NCKAP1: variants seen among roughly 807,000 people sequenced by gnomAD.
NCKAP1 encodes the protein nck-associated protein 1.
In NCKAP1, 21 loss-of-function variants were observed where a neutral mutation model predicts 151.2. That is an observed-to-expected ratio of 0.14 (90% CI 0.10 to 0.20). NCKAP1 has a LOEUF of 0.20. Among genes scored for constraint, NCKAP1 ranks in the 10% least tolerant of loss-of-function variants. NCKAP1 has a pLI of 1.00. For synonymous variants in NCKAP1, 484 were observed against 451.8 expected, an observed-to-expected ratio of 1.07 and a Z score of -0.90; for missense variants, 933 against 1,352.1, an observed-to-expected ratio of 0.69 and a Z score of 4.86.
chr2:182,928,069 A>T, intron 29 of NCKAP1, 48 bp downstream of exon 29: 1 of 1,344,042 alleles, frequency 7.4e-7, no homozygotes, highest in Non-Finnish European at 1.0e-6. Context: ...TGTGAATTTT[A>T]GTTTTCTTTA....
At chr2:182,977,387 G>A (rs1368119546) in intron 14 of NCKAP1, among the ~76,000 whole-genome samples, 2 of 152,124 alleles carry the variant, frequency 1.3e-5, no homozygotes, top group East Asian at 1.9e-4. Context: ...CTACTCGGGA[G>A]ACTAAGGTGG....
intron 18 of NCKAP1, among the ~76,000 whole-genome samples, chr2:182,958,077 G>T (rs866083179): frequency 2.0e-5 from 3 of 152,310 alleles, no homozygotes; most frequent in Middle Eastern, 3.4e-3. Context: ...CTAGAGGTTG[G>T]ATTGTAAACT....
intron 8 of NCKAP1, among the ~76,000 whole-genome samples, chr2:182,990,860 A>G (rs1192413423): frequency 2.0e-5 from 3 of 152,226 alleles, no homozygotes; most frequent in African/African-American, 4.8e-5. Context: ...CATATTTTGT[A>G]GAATCATACA....
intron 1 of NCKAP1, among the ~76,000 whole-genome samples, chr2:183,031,285 G>A (rs2105900061): frequency 6.6e-6 from 1 of 152,232 alleles, no homozygotes; most frequent in Middle Eastern, 3.4e-3. Context: ...TTTACAAGAA[G>A]ATATATATGT....
Position 182,995,732 on chromosome 2 carries a change from C to T in NCKAP1, c.710G>A (p.Ser237Asn), listed in dbSNP as rs1484844979. The T allele has an allele frequency of 1.2e-6, 2 of 1,613,822 alleles. No individual in the cohort carries two copies. Among genetic ancestry groups the T allele is most frequent in the African/African-American group, 2.7e-5 (2 of 74,882 alleles). Residue 237 changes from serine (S) to asparagine (N), a missense_variant, in exon 7 of 31, where the codon AGT (serine) becomes AAT (asparagine). This residue lies in a region of NCKAP1 where 607 missense variants were observed against 795.0 expected (regional missense o/e 0.76). Transcript: ENST00000361354. ...GGACTGTGCTGGATTAAGCATTGTA[C>T]TAGGTGCACTGATGAGGCTCAATAA... ...AQLLSLISAP[S>N]TMLNPAQSDT... is the part of the protein sequence containing the mutation.
At chr2:182,982,438 T>G (rs528342083) in intron 12 of NCKAP1, among the ~76,000 whole-genome samples, 1 of 149,868 alleles carries the variant, frequency 6.7e-6, no homozygotes, top group Admixed American at 6.6e-5. Flanking sequence ...TAATTTACAA[T>G]GGTGCAGAAG....
intron 7 of NCKAP1, 21 bp downstream of exon 7, chr2:182,995,680 A>G (rs770075595): frequency 7.5e-6 from 12 of 1,593,030 alleles, no homozygotes; most frequent in Non-Finnish European, 1.0e-5. Flanking sequence ...TTTCATTCAA[A>G]AGAGAAAAAT....
chr2:182,943,235 A>T (rs147255835), intron 23 of NCKAP1, among the ~76,000 whole-genome samples: 1 of 152,268 alleles, frequency 6.6e-6, no homozygotes, highest in Non-Finnish European at 1.5e-5. Context: ...TGCAGCAAGC[A>T]TATAAAGTGC....
intron 26 of NCKAP1, among the ~76,000 whole-genome samples, chr2:182,933,666 C>T (rs541570987): frequency 2.0e-5 from 3 of 152,088 alleles, no homozygotes; most frequent in South Asian, 4.2e-4. Flanking sequence ...CTGCCCACCT[C>T]GGCCTCCCAA....
chr2:182,989,656 G>A (rs2105862453), intron 8 of NCKAP1, among the ~76,000 whole-genome samples: 1 of 152,230 alleles, frequency 6.6e-6, no homozygotes, highest in East Asian at 1.9e-4. Context: ...AGGTTGCAGT[G>A]AGTCGAGGTT....
At chr2:183,005,922 C>T (rs1698462261) in intron 2 of NCKAP1, among the ~76,000 whole-genome samples, 1 of 152,136 alleles carries the variant, frequency 6.6e-6, no homozygotes, top group African/African-American at 2.4e-5. Flanking sequence ...GAAAACCGCA[C>T]CTGATTGCAC....
chr2:182,926,277 C>G lies in NCKAP1; in HGVS notation c.3271-459G>C, dbSNP rs560723337. ...AAAGATTAATGTAGGCCAAAGTAAT[C>G]AAGAAAGACTATCTGGAAAAAGATT... On this transcript the variant is annotated intron_variant, in intron 30 of 30. Transcript: ENST00000361354. Among the ~76,000 whole-genome samples, 23 of 152,012 alleles carry G rather than the reference C, an allele frequency of 1.5e-4. No individual in the cohort carries two copies. In the South Asian group the frequency reaches 4.8e-3, roughly 32 times the overall value.
At chr2:183,000,636 T>C (rs993577252) in intron 6 of NCKAP1, among the ~76,000 whole-genome samples, 5 of 152,170 alleles carry the variant, frequency 3.3e-5, no homozygotes, top group Non-Finnish European at 7.3e-5. Flanking sequence ...ACTGATGCCA[T>C]CTACTAGCTT....
In NCKAP1 at chr2:182,967,259, A is replaced by T; in HGVS notation, c.1585T>A (p.Leu529Met). ...GATGTTTCCACCAACATTTCCACCA[A>T]GGAATCTACCATTTTTGTATGAAAA... is the stretch of plus-strand genomic sequence containing the variant. ...IIFHTKMVDS[L>M]VEMLVETSDL... Residue 529 changes from leucine (L) to methionine (M), a missense_variant, in exon 16 of 31, where the codon TTG (leucine) becomes ATG (methionine). This residue lies in a region of NCKAP1 where 607 missense variants were observed against 795.0 expected (regional missense o/e 0.76). Coordinates refer to ENST00000361354, the MANE Select transcript of NCKAP1 (RefSeq NM_013436.5). 6.2e-7 allele frequency: 1 copy of T among 1,612,178 alleles called. No homozygotes were observed. Among genetic ancestry groups the T allele is most frequent in the Non-Finnish European group, 8.5e-7 (1 of 1,179,294 alleles).
At chr2:182,992,794 T>G (rs544455676) in intron 8 of NCKAP1, among the ~76,000 whole-genome samples, 1 of 152,294 alleles carries the variant, frequency 6.6e-6, no homozygotes, top group East Asian at 1.9e-4. Context: ...AGACTAAGTA[T>G]TGGAACAGGG....
intron 8 of NCKAP1, among the ~76,000 whole-genome samples, chr2:182,994,381 T>C (rs978119155): frequency 1.3e-5 from 2 of 152,062 alleles, no homozygotes; most frequent in African/African-American, 4.8e-5. Context: ...CTCACACCGA[T>C]AATCCCAGCA....
intron 17 of NCKAP1, among the ~76,000 whole-genome samples, chr2:182,963,995 T>C (rs754488125): frequency 6.6e-6 from 1 of 152,154 alleles, no homozygotes; most frequent in African/African-American, 2.4e-5. Context: ...GTTTCTTTTC[T>C]ACAAGTTCTG....
At chr2:182,934,304 A>AT (rs776149662) in intron 26 of NCKAP1, 8,898 of 139,248 alleles carry the variant, frequency 0.064, 289 homozygotes, top group South Asian at 0.13. Context: ...CGCCTGGCTA[A>AT]TTTTTTTTTT....
chr2:182,969,529 CAT>C (rs1697643601), intron 15 of NCKAP1, among the ~76,000 whole-genome samples: 1 of 148,594 alleles, frequency 6.7e-6, no homozygotes, highest in East Asian at 2.0e-4. Context: ...CGGAAACTAA[CAT>C]ATGGAAATTA....
Sources: allele counts gnomAD v4.1 joint callset (sites outside exome capture counted in the v4.1 genomes callset), GRCh38; gene constraint gnomAD v4.1.1; regional missense constraint gnomAD v4.1.1; transcripts MANE v1.5; gene names NCBI Gene and HGNC (gene_info 2026-07-23, HGNC 2026-07-21).